ATF2: variants seen among roughly 807,000 people sequenced by gnomAD.
ATF2 encodes the protein cyclic AMP-dependent transcription factor ATF-2.
A neutral mutation model predicts 60.6 loss-of-function variants in ATF2; 24 were observed. The observed-to-expected ratio is 0.40, with a 90% CI of 0.29 to 0.56. The LOEUF is 0.56. Ranked by LOEUF, ATF2 falls within the 20% of genes least tolerant of loss-of-function variation. ATF2 has a pLI of 0.54. For missense variants in ATF2, 433 were observed against 607.7 expected (o/e 0.71, Z 3.02); for synonymous variants, 206 against 215.4 (o/e 0.96, Z 0.38).
intron 1 of ATF2, among the ~76,000 whole-genome samples, chr2:175,167,303 G>A (rs1186246220): frequency 6.6e-6 from 1 of 151,766 alleles, no homozygotes; most frequent in African/African-American, 2.4e-5. Flanking sequence ...CATACGCTCT[G>A]CTGTCCACCC....
At chr2:175,167,627 C>T (rs745688315) in intron 1 of ATF2, 3 of 491,940 alleles carry the variant, frequency 6.1e-6, no homozygotes, top group Admixed American at 4.4e-5. Context: ...CCCGCCCAAC[C>T]CAAGGACTGT....
intron 12 of ATF2, among the ~76,000 whole-genome samples, chr2:175,081,516 G>A (rs192468235): frequency 3.2e-4 from 48 of 152,208 alleles, no homozygotes; most frequent in African/African-American, 1.1e-3. Flanking sequence ...TTAAAAACAC[G>A]TAAGTCAGTG....
chr2:175,123,803 T>C (rs1159077767), intron 4 of ATF2, among the ~76,000 whole-genome samples: 1 of 152,020 alleles, frequency 6.6e-6, no homozygotes, highest in Non-Finnish European at 1.5e-5. Flanking sequence ...ATTAATTATA[T>C]ACAGGGACAG....
intron 10 of ATF2, among the ~76,000 whole-genome samples, chr2:175,103,200 G>C (rs997614222): frequency 2.0e-5 from 3 of 152,150 alleles, no homozygotes; most frequent in African/African-American, 7.2e-5. Context: ...TTATGAAAAA[G>C]TCAGATCCAT....
rs12988083 is a variant in ATF2, at chr2:175,094,119, G to A, written c.979-852C>T. Among the ~76,000 whole-genome samples the A allele has an allele frequency of 1.4e-3, 212 of 152,250 alleles. 2 individuals carry two copies. The highest frequency in any genetic ancestry group is 0.011 in the South Asian group (52 of 4,818). The stretch of plus-strand genomic sequence containing the variant: ...TCAAAAAATGAACTCTTGGCCGGGC[G>A]TGGTGGCTCATGCCTGTAATCCCAG... On this transcript the variant is annotated intron_variant, in intron 11 of 13. Transcript: ENST00000264110.
chr2:175,143,549 A>T (rs909144091), intron 2 of ATF2, among the ~76,000 whole-genome samples: 2 of 152,162 alleles, frequency 1.3e-5, no homozygotes, highest in African/African-American at 4.8e-5. Context: ...GCATATTTTA[A>T]GGCTTTCAAT....
At chr2:175,082,852 T>C (rs1693858486) in intron 12 of ATF2, among the ~76,000 whole-genome samples, 3 of 152,206 alleles carry the variant, frequency 2.0e-5, no homozygotes, top group Admixed American at 2.0e-4. Flanking sequence ...TTTATTTAAG[T>C]GTCAACTCAG....
At chr2:175,141,644 C>T (rs1479249670) in intron 2 of ATF2, among the ~76,000 whole-genome samples, 1 of 152,012 alleles carries the variant, frequency 6.6e-6, no homozygotes, top group Non-Finnish European at 1.5e-5. Flanking sequence ...AGGAGCCCGC[C>T]ACCATGCCCG....
At chr2:175,080,584 A>T in intron 13 of ATF2, 76 bp downstream of exon 13, 8 of 1,089,046 alleles carry the variant, frequency 7.3e-6, no homozygotes, top group Non-Finnish European at 7.9e-6. Context: ...CTCCATTTTT[A>T]AAGTAGCAGC....
intron 10 of ATF2, among the ~76,000 whole-genome samples, chr2:175,104,855 C>T (rs1695543474): frequency 6.6e-6 from 1 of 152,164 alleles, no homozygotes; most frequent in Admixed American, 6.5e-5. Context: ...AGCGGAATAA[C>T]ACGTTACCCT....
chr2:175,142,677 G>A (rs138832666), intron 2 of ATF2, among the ~76,000 whole-genome samples: 71 of 145,690 alleles, frequency 4.9e-4, no homozygotes, highest in Non-Finnish European at 8.8e-4. Context: ...AAACCCTAAC[G>A]CTGCCGAAAG....
At chr2:175,133,726 G>A (rs1391219648) in intron 3 of ATF2, among the ~76,000 whole-genome samples, 1 of 152,084 alleles carries the variant, frequency 6.6e-6, no homozygotes, top group African/African-American at 2.4e-5. Context: ...AAAAGTGAAA[G>A]GCAAAGCATA....
intron 1 of ATF2, among the ~76,000 whole-genome samples, chr2:175,156,377 C>CAAAAAAAAA (rs57399474): frequency 1.4e-4 from 8 of 56,012 alleles, no homozygotes; most frequent in Admixed American, 4.3e-4. Flanking sequence ...TCTCAAAAAA[C>CAAAAAAAAA]AAAAAAAAAA....
chr2:175,109,169 A>T (rs1039816742), intron 10 of ATF2, among the ~76,000 whole-genome samples: 3 of 4,232 alleles, frequency 7.1e-4, no homozygotes, highest in South Asian at 0.015. Context: ...AATGATCAAT[A>T]AAAAAAAAAA....
chr2:175,090,559 A>T (rs1187165128), intron 12 of ATF2, among the ~76,000 whole-genome samples: 1 of 152,054 alleles, frequency 6.6e-6, no homozygotes, highest in Non-Finnish European at 1.5e-5. Context: ...ATCATTTTGG[A>T]TCCTATTTTA....
At chr2:175,075,744 T>A (rs1297558440) in intron 13 of ATF2, among the ~76,000 whole-genome samples, 24 of 152,108 alleles carry the variant, frequency 1.6e-4, no homozygotes, top group Non-Finnish European at 3.5e-4. Flanking sequence ...TTCCTGGAGG[T>A]TCCTGTCCTC....
At chr2:175,112,491 AT>A (rs1415046088) in intron 9 of ATF2, among the ~76,000 whole-genome samples, 6 of 152,250 alleles carry the variant, frequency 3.9e-5, no homozygotes, top group Non-Finnish European at 8.8e-5. Flanking sequence ...AAAAAAAGAT[AT>A]AAATATCAAA....
intron 12 of ATF2, among the ~76,000 whole-genome samples, chr2:175,087,792 A>C (rs1694269914): frequency 1.3e-5 from 2 of 152,168 alleles, no homozygotes; most frequent in Admixed American, 1.3e-4. Flanking sequence ...GTTTTTAAAA[A>C]ATTTATATTT....
intron 2 of ATF2, among the ~76,000 whole-genome samples, chr2:175,147,061 G>C (rs1396803367): frequency 6.6e-6 from 1 of 152,050 alleles, no homozygotes; most frequent in African/African-American, 2.4e-5. Context: ...GCACTGCAAG[G>C]TTAAGAGCAA....
Sources: gnomAD v4.1 joint callset for allele counts (sites outside exome capture counted in the v4.1 genomes callset) on GRCh38, gnomAD v4.1.1 for gene constraint, MANE v1.5 for transcripts, NCBI Gene and HGNC (gene_info 2026-07-23, HGNC 2026-07-21) for gene names.